Variants in IGFN1 observed in about 807,000 individuals in gnomAD.
IGFN1 encodes immunoglobulin like and fibronectin type III domain containing 1, also known as immunoglobulin-like and fibronectin type III domain-containing protein 1.
IGFN1 carries 253 observed loss-of-function variants against 289.5 expected under a neutral mutation model. The observed-to-expected ratio is 0.87, with a 90% confidence interval of 0.79 to 0.97. The LOEUF is 0.97. IGFN1 is among the 50% of genes least tolerant of loss of function. The pLI is 0.00. For synonymous variants in IGFN1, 1,706 were observed against 1,788.5 expected (o/e 0.95, Z 1.16); for missense variants, 4,470 against 4,686.1 (o/e 0.95, Z 1.35).
rs1172999810 is a variant in IGFN1 at position 201,212,929 on chromosome 1, G to T, written c.8036G>T (p.Gly2679Val). ...TTTAAGGGTGGGGAGGGTGCACCAG[G>T]CCAAGAGGCGGCTGGTGGATGCCGA... ...GGFKGGEGAP[G>V]QEAAGGCRSP... Residue 2679 changes from glycine to valine, a missense_variant, in exon 12 of 24, where the codon GGC (glycine) becomes GTC (valine). Physicochemically the swap from Gly to Val is moderately radical, Grantham distance 109. This residue lies in a region of IGFN1 where 2,218 missense variants were observed against 2,114.1 expected (regional missense o/e 1.05). Coordinates refer to ENST00000335211, the MANE Select transcript of IGFN1 (RefSeq NM_001164586.2). The T allele has an allele frequency of 6.4e-7, 1 of 1,551,428 alleles. No individual in the cohort carries two copies. Among genetic ancestry groups the T allele is most frequent in the Non-Finnish European group, 8.7e-7 (1 of 1,146,970 alleles).
At chr1:201,217,707 G>A (rs1165454519) in intron 17 of IGFN1, among the ~76,000 whole-genome samples, 1 of 152,130 alleles carries the variant, frequency 6.6e-6, no homozygotes, top group Non-Finnish European at 1.5e-5. Flanking sequence ...CTCCTCTACA[G>A]GACAGAGCCC....
In IGFN1 at chr1:201,209,050, A is replaced by G; in HGVS notation, c.4157A>G (p.Glu1386Gly). 6.5e-7 allele frequency: 1 copy of G among 1,536,638 alleles called. No individual in the cohort carries two copies. The highest frequency in any genetic ancestry group is 1.2e-5 in the South Asian group (1 of 84,036). Residue 1386 changes from glutamate to glycine, a missense_variant, in exon 12 of 24, where the codon GAG becomes GGG. Around this residue, in one of 8 missense-constraint regions of IGFN1, gnomAD observed 2,011 missense variants for 1,953.4 expected, o/e 1.03. Transcript: ENST00000335211. ...AATAGGAAAGATTTGGGGGTTCCTG[A>G]GGGAATGGGTGCAGGTTACAGGGCT... ...TDNRKDLGVP[E>G]GMGAGYRAGL...
chr1:201,213,443 G>A lies in IGFN1; in HGVS notation c.8550G>A (p.Trp2850Ter), dbSNP rs1667935589. ...GGTGGCAGCCTATGGGAGAGAACTGGGGGTGCCTGGAGGAGATGCTGAATG... is the reference window on the plus strand; with the variant it reads ...GGTGGCAGCCTATGGGAGAGAACTGAGGGTGCCTGGAGGAGATGCTGAATG... ...SMGWQPMGEN[W>*]GCLEEMLNED... Residue 2850 changes from tryptophan to a stop codon, truncating the protein, a stop_gained, in exon 12 of 24, where the codon TGG (tryptophan) becomes TGA (stop). Transcript: ENST00000335211. LOFTEE classifies it high-confidence loss of function. 4 of 1,613,918 alleles carry A rather than the reference G, an allele frequency of 2.5e-6. No homozygotes were observed. The African/African-American group carries it at 5.3e-5, about 22-fold the overall frequency.
chr1:201,222,894 G>A (rs1318359722), intron 20 of IGFN1, 67 bp downstream of exon 20: 3 of 1,096,424 alleles, frequency 2.7e-6, no homozygotes, highest in East Asian at 5.0e-5. Context: ...ACTCAGCCCT[G>A]TGGCTCTCTT....
At chr1:201,193,349 A>C in intron 2 of IGFN1, 49 bp downstream of exon 2, 1 of 1,431,266 alleles carries the variant, frequency 7.0e-7, no homozygotes, top group Non-Finnish European at 9.7e-7. Context: ...GGCGATCCTT[A>C]CCAGGACAGA....
rs1238114124 is a variant in IGFN1, at chr1:201,212,696, C to T, written c.7803C>T (p.Ser2601=). The T allele has an allele frequency of 2.0e-5, 31 of 1,547,886 alleles. No individual in the cohort carries two copies. The highest frequency in any genetic ancestry group is 2.4e-5 in the Non-Finnish European group (27 of 1,145,064). The change falls in exon 12 of 24, where the codon AGC becomes AGT. Residue 2601 remains serine (S), a synonymous_variant. Transcript: ENST00000335211. ...SSVGTGQDLD[S]GSMPGGRGKS... is the part of the protein sequence containing the mutation. ...TGGGGACAGGTCAGGATCTGGACAG[C>T]GGCTCTATGCCTGGGGGAAGGGGCA...
At position 201,225,906 on chromosome 1, in the gene IGFN1, CG is replaced by C. The variant is rs749388692; in HGVS notation, c.10570del (p.Glu3524ArgfsTer77). The C allele has an allele frequency of 1.9e-6, 3 of 1,611,020 alleles. No homozygotes were observed. The highest frequency in any genetic ancestry group is 2.5e-6 in the Non-Finnish European group (3 of 1,178,742). Reference sequence around the variant, plus strand: ...CGGCCGAGTGGGAACCCTCTCCTGACGAGGCCCAGGATGTCCCGCTGCACTA... The same window carrying C: ...CGGCCGAGTGGGAACCCTCTCCTGACAGGCCCAGGATGTCCCGCTGCACTA... ...VTAEWEPSPD[E>X]AQDVPLHYAV... On this transcript the variant is annotated frameshift_variant, in exon 22 of 24. Coordinates refer to ENST00000335211, the MANE Select transcript of IGFN1 (RefSeq NM_001164586.2). LOFTEE classifies it high-confidence loss of function.
chr1:201,211,311 G>T lies in IGFN1; in HGVS notation c.6418G>T (p.Ala2140Ser). The change falls in exon 12 of 24, where the codon GCA becomes TCA. Residue 2140 changes from alanine to serine, a missense_variant. Physicochemically the swap from Ala to Ser is moderately conservative, Grantham distance 99. Around this residue, in one of 8 missense-constraint regions of IGFN1, gnomAD observed 2,218 missense variants for 2,114.1 expected, o/e 1.05. Transcript: ENST00000335211. The stretch of plus-strand genomic sequence containing the variant: ...TACAGAAATGGGGTCAGTGAATGAG[G>T]CAGGTTATAGGAAGGATTTGGGGGC... ...SSTEMGSVNE[A>S]GYRKDLGAPK... 1.3e-6 allele frequency: 2 copies of T among 1,529,516 alleles called. No homozygotes were observed. Among genetic ancestry groups the T allele is most frequent in the Non-Finnish European group, 1.8e-6 (2 of 1,142,376 alleles). The allele number at this position is 1,529,516 out of a possible 1,614,324, so 94.7% of individuals were successfully genotyped here.
rs775591045 is a variant in IGFN1 at position 201,213,509 on chromosome 1, G to A, written c.8616G>A (p.Arg2872=). ...SREPPGHLGS[R]RSGKDGRLDI... ...AGCCCCCTGGTCACCTTGGTAGCAG[G>A]AGAAGTGGCAAAGACGGCAGGTTGG... Residue 2872 remains arginine (R), a synonymous_variant, in exon 12 of 24, where the codon AGG becomes AGA. Coordinates refer to ENST00000335211, the MANE Select transcript of IGFN1 (RefSeq NM_001164586.2). The A allele has an allele frequency of 5.0e-6, 8 of 1,614,060 alleles. No homozygotes were observed. Among genetic ancestry groups the A allele is most frequent in the East Asian group, 2.2e-5 (1 of 44,876 alleles).
intron 12 of IGFN1, among the ~76,000 whole-genome samples, chr1:201,213,925 C>T (rs1667964150): frequency 1.3e-5 from 2 of 152,238 alleles, no homozygotes; most frequent in South Asian, 2.1e-4. Flanking sequence ...TCACCTGTGG[C>T]GGGGGGGCCC....
chr1:201,216,357 G>T, intron 15 of IGFN1, 97 bp from the exon 16 acceptor site: 1 of 968,550 alleles, frequency 1.0e-6, no homozygotes, highest in East Asian at 2.7e-5. Flanking sequence ...ATGGGGGTGG[G>T]GGGGAGTCGG....
intron 9 of IGFN1, 75 bp downstream of exon 9, chr1:201,201,907 TAC>T: frequency 1.3e-6 from 1 of 742,136 alleles, no homozygotes; most frequent in Non-Finnish European, 2.4e-6. Context: ...GAACTATGGG[TAC>T]CCTGCATTCC....
chr1:201,197,671 T>C (rs1369667150), intron 5 of IGFN1, among the ~76,000 whole-genome samples: 1 of 152,250 alleles, frequency 6.6e-6, no homozygotes, highest in African/African-American at 2.4e-5. Flanking sequence ...AAGGATATTT[T>C]GGACAGGCCT....
At position 201,211,767 on chromosome 1, in the gene IGFN1, G is replaced by C. The variant is rs1201145924; in HGVS notation, c.6874G>C (p.Gly2292Arg). ...GGCAGGTTATAAGAATGTTTTAGGG[G>C]GTTCTGGGAGGAATCCATTAGGGAG... ...DEAGYKNVLG[G>R]SGRNPLGSEA... The change falls in exon 12 of 24, where the codon GGT becomes CGT. Residue 2292 changes from glycine (G) to arginine (R), a missense_variant. Physicochemically the swap from Gly to Arg is moderately radical, Grantham distance 125. This residue lies in a region of IGFN1 where 2,218 missense variants were observed against 2,114.1 expected (regional missense o/e 1.05). Coordinates refer to ENST00000335211, the MANE Select transcript of IGFN1 (RefSeq NM_001164586.2). The C allele has an allele frequency of 8.5e-6, 13 of 1,536,722 alleles. No homozygotes were observed. Among genetic ancestry groups the C allele is most frequent in the African/African-American group, 8.2e-5 (6 of 72,960 alleles).
intron 17 of IGFN1, among the ~76,000 whole-genome samples, chr1:201,217,685 A>G (rs186099123): frequency 3.9e-5 from 6 of 152,264 alleles, no homozygotes; most frequent in Non-Finnish European, 8.8e-5. Context: ...TATACAGGAC[A>G]GAGCCCACCT....
At position 201,201,705 on chromosome 1, in the gene IGFN1, T is replaced by G; in HGVS notation, c.634-14T>G. 1 of 1,397,326 alleles carries G rather than the reference T, an allele frequency of 7.2e-7. No individual in the cohort carries two copies. Among genetic ancestry groups the G allele is most frequent in the Non-Finnish European group, 9.9e-7 (1 of 1,005,882 alleles). The allele number at this position is 1,397,326 out of a possible 1,614,324, so 86.6% of individuals were successfully genotyped here. The stretch of plus-strand genomic sequence containing the variant: ...TTCATGAGCTCTCCTGCTGGGTGTT[T>G]GTCTGCTTTGTAGTACATCAACACC... On this transcript the variant is annotated splice_polypyrimidine_tract_variant and intron_variant, in intron 8 of 23. Coordinates refer to ENST00000335211, the MANE Select transcript of IGFN1 (RefSeq NM_001164586.2).
Position 201,221,700 on chromosome 1 carries a change from C to G in IGFN1, c.10155C>G (p.Ser3385Arg). The G allele has an allele frequency of 5.0e-6, 8 of 1,612,318 alleles. No homozygotes were observed. The highest frequency in any genetic ancestry group is 6.8e-6 in the Non-Finnish European group (8 of 1,179,020). Reference protein sequence around the residue: ...RVTAVNEGGQSQPSALDTLVQ... With the variant: ...RVTAVNEGGQRQPSALDTLVQ... ...CAGCAGTTAATGAAGGAGGCCAGAGCCAGCCCAGTGCCCTGGACACATTAG... is the reference window on the plus strand; with the variant it reads ...CAGCAGTTAATGAAGGAGGCCAGAGGCAGCCCAGTGCCCTGGACACATTAG... Residue 3385 changes from serine (S) to arginine (R), a missense_variant, in exon 19 of 24, where the codon AGC becomes AGG. Physicochemically the swap from Ser to Arg is moderately radical, Grantham distance 110. This residue lies in a region of IGFN1 where 2,218 missense variants were observed against 2,114.1 expected (regional missense o/e 1.05). Transcript: ENST00000335211.
At chr1:201,225,788 C>T in intron 21 of IGFN1, 36 bp from the exon 22 acceptor site, 1 of 1,574,540 alleles carries the variant, frequency 6.4e-7, no homozygotes, top group South Asian at 1.2e-5. Flanking sequence ...TGCTGGGTCC[C>T]CTCCACGTGA....
chr1:201,207,647 G>A lies in IGFN1; in HGVS notation c.2754G>A (p.Gly918=), dbSNP rs887342906. 1.3e-6 allele frequency: 2 copies of A among 1,537,008 alleles called. No individual in the cohort carries two copies. The highest frequency in any genetic ancestry group is 2.0e-5 in the Admixed American group (1 of 50,982). Residue 918 remains glycine, a synonymous_variant, in exon 12 of 24, where the codon GGG becomes GGA. Transcript: ENST00000335211. The part of the protein sequence containing the change: ...KKGLRGPGSI[G]SEPDFWNGSG... ...GATTAAGAGGTCCTGGGTCAATAGG[G>A]TCTGAACCAGATTTCTGGAATGGGT...
Sources: allele counts gnomAD v4.1 joint callset (sites outside exome capture counted in the v4.1 genomes callset), GRCh38; gene constraint gnomAD v4.1.1; regional missense constraint gnomAD v4.1.1; transcripts MANE v1.5; gene names NCBI Gene and HGNC (gene_info 2026-07-23, HGNC 2026-07-21).